The following CXCL13 variants were observed in gnomAD, a reference collection of about 807,000 sequenced individuals.
CXCL13 encodes C-X-C motif chemokine ligand 13, also known as C-X-C motif chemokine 13.
Under a neutral mutation model 12.2 loss-of-function variants are expected in CXCL13, and 7 were observed. The ratio of observed to expected loss-of-function variants is 0.57; its 90% confidence interval spans 0.33 to 1.07. CXCL13 has a LOEUF of 1.07. CXCL13 is among the 50% of genes least tolerant of loss of function. CXCL13 has a pLI of 0.04. For missense variants in CXCL13, 113 were observed against 127.4 expected, an observed-to-expected ratio of 0.89 and a Z score of 0.55; for synonymous variants, 47 against 42.4, an observed-to-expected ratio of 1.11 and a Z score of -0.42.
At chr4:77,521,590 A>G (rs1304966870) in intron 1 of CXCL13, among the ~76,000 whole-genome samples, 1 of 150,082 alleles carries the variant, frequency 6.7e-6, no homozygotes, top group East Asian at 2.0e-4. Flanking sequence ...TATTGTGTCT[A>G]TTTGTTTCTT....
At chr4:77,531,061 C>G (rs1234005515) in intron 1 of CXCL13, among the ~76,000 whole-genome samples, 1 of 149,722 alleles carries the variant, frequency 6.7e-6, no homozygotes, top group African/African-American at 2.4e-5. Flanking sequence ...GCAATTTGTT[C>G]AGTTTCCATG....
chr4:77,536,005 G>T, intron 1 of CXCL13, among the ~76,000 whole-genome samples: 1 of 152,198 alleles, frequency 6.6e-6, no homozygotes, highest in Non-Finnish European at 1.5e-5. Context: ...AGATAACTAT[G>T]ATTATACTTG....
intron 1 of CXCL13, among the ~76,000 whole-genome samples, chr4:77,535,214 A>T (rs1725031526): frequency 6.6e-6 from 1 of 152,076 alleles, no homozygotes; most frequent in Non-Finnish European, 1.5e-5. Flanking sequence ...GCCTTTAGGA[A>T]CTCTGTTTTG....
chr4:77,592,833 G>A (rs17002731), intron 1 of CXCL13, among the ~76,000 whole-genome samples: 17,170 of 152,102 alleles, frequency 0.11, 1,097 homozygotes, highest in Middle Eastern at 0.17. Context: ...GCTGCCAGGG[G>A]CCTTTTCAGA....
chr4:77,605,409 C>T (rs1228732594), upstream of CXCL13, among the ~76,000 whole-genome samples: 1 of 152,192 alleles, frequency 6.6e-6, no homozygotes, highest in Admixed American at 6.5e-5. Context: ...ATCCCTTCCA[C>T]ATGCTAGGGA....
intron 1 of CXCL13, among the ~76,000 whole-genome samples, chr4:77,530,370 C>T (rs1347123724): frequency 1.3e-5 from 2 of 152,146 alleles, no homozygotes; most frequent in Admixed American, 1.3e-4. Flanking sequence ...CCTCCTTGTA[C>T]CTCTGGTAGA....
At chr4:77,579,328 G>A (rs914718882) in intron 1 of CXCL13, among the ~76,000 whole-genome samples, 1 of 152,212 alleles carries the variant, frequency 6.6e-6, no homozygotes, top group African/African-American at 2.4e-5. Flanking sequence ...ATTTTGGAAA[G>A]CTGAATAAGG....
rs1726545186 is a variant in CXCL13 at position 77,588,982 on chromosome 4, A to T, written c.-42-16842A>T. On this transcript the variant is annotated intron_variant, in intron 1 of 4. Coordinates refer to the CXCL13 transcript ENST00000286758. ...TTTCCTCTTAGCCACTTCTATTTTC[A>T]CTCTGTCTAGATTTCTATTTTAGGC... Among the ~76,000 whole-genome samples the T allele has an allele frequency of 3.3e-5, 5 of 152,142 alleles. 1 individual carries two copies. In the South Asian group the frequency reaches 1.0e-3, roughly 32 times the overall value.
intron 1 of CXCL13, among the ~76,000 whole-genome samples, chr4:77,564,665 T>G (rs1725882888): frequency 6.6e-6 from 1 of 152,230 alleles, no homozygotes; most frequent in African/African-American, 2.4e-5. Context: ...GATTAAATCA[T>G]TGCCCAGGGC....
intron 1 of CXCL13, among the ~76,000 whole-genome samples, chr4:77,579,121 TGGA>T (rs898926968): frequency 3.1e-4 from 47 of 152,376 alleles, no homozygotes; most frequent in African/African-American, 1.0e-3. Flanking sequence ...GCCTGGATTG[TGGA>T]GAAGAGCTGC....
intron 1 of CXCL13, among the ~76,000 whole-genome samples, chr4:77,590,993 C>T (rs1726592600): frequency 1.3e-5 from 2 of 152,130 alleles, no homozygotes; most frequent in South Asian, 2.1e-4. Flanking sequence ...GATTCTTGTG[C>T]CTCAGCCTCC....
At chr4:77,533,185 A>G (rs1047676759) in intron 1 of CXCL13, among the ~76,000 whole-genome samples, 6 of 151,954 alleles carry the variant, frequency 3.9e-5, no homozygotes, top group African/African-American at 1.5e-4. Context: ...TTGGTCTTTG[A>G]TGATGGTGAA....
chr4:77,560,600 G>C (rs1298653824), intron 1 of CXCL13, among the ~76,000 whole-genome samples: 1 of 152,084 alleles, frequency 6.6e-6, no homozygotes, highest in African/African-American at 2.4e-5. Context: ...ACTTTTCTTA[G>C]GTATTCCAGA....
chr4:77,567,135 A>G (rs766179675), intron 1 of CXCL13, among the ~76,000 whole-genome samples: 33 of 152,114 alleles, frequency 2.2e-4, no homozygotes, highest in Non-Finnish European at 3.8e-4. Context: ...TCAAGAAGGT[A>G]CTTTGTAATA....
rs1019839507 is a variant in CXCL13, at chr4:77,605,836, G to A, written c.-30G>A. The A allele has an allele frequency of 1.3e-6, 2 of 1,543,298 alleles. No homozygotes were observed. The highest frequency in any genetic ancestry group is 1.8e-6 in the Non-Finnish European group (2 of 1,125,268). On this transcript the variant is annotated 5_prime_UTR_variant, in exon 1 of 4. Coordinates refer to ENST00000682537, the MANE Select transcript of CXCL13 (RefSeq NM_001371558.1). Reference sequence around the variant, plus strand: ...TGCAAACCCACAGCCTGGACTCAGAGCTCAAGTCTGAACTCTACCTCCAGA... The same window carrying A: ...TGCAAACCCACAGCCTGGACTCAGAACTCAAGTCTGAACTCTACCTCCAGA...
intron 1 of CXCL13, among the ~76,000 whole-genome samples, chr4:77,513,131 A>G (rs114883444): frequency 0.015 from 2,231 of 152,142 alleles, 36 homozygotes; most frequent in Admixed American, 0.05. Context: ...TGGCTATTCC[A>G]TATACACCAT....
At chr4:77,570,156 C>A (rs1366681408) in intron 1 of CXCL13, among the ~76,000 whole-genome samples, 5 of 152,134 alleles carry the variant, frequency 3.3e-5, no homozygotes, top group Non-Finnish European at 5.9e-5. Context: ...ATGTAAAACT[C>A]AAAGCTATAA....
At chr4:77,607,492 G>A (rs1727023346) in intron 1 of CXCL13, among the ~76,000 whole-genome samples, 2 of 152,066 alleles carry the variant, frequency 1.3e-5, no homozygotes, top group Non-Finnish European at 2.9e-5. Flanking sequence ...TGGCCTAAAA[G>A]CTAACTTTAT....
chr4:77,608,060 T>C (rs1025768186), intron 2 of CXCL13, among the ~76,000 whole-genome samples: 13 of 152,164 alleles, frequency 8.5e-5, no homozygotes, highest in African/African-American at 2.9e-4. Context: ...TTCAACCACT[T>C]TATTAAGGTA....
Sources: allele counts gnomAD v4.1 joint callset (sites outside exome capture counted in the v4.1 genomes callset), GRCh38; gene constraint gnomAD v4.1.1; transcripts MANE v1.5; gene names NCBI Gene and HGNC (gene_info 2026-07-23, HGNC 2026-07-21).